SV2C: variants seen among roughly 807,000 people sequenced by gnomAD.
SV2C encodes the protein synaptic vesicle glycoprotein 2C, also known as solute carrier family 22 member B3.
A neutral mutation model predicts 79.7 loss-of-function variants in SV2C; 49 were observed. That is an observed-to-expected ratio of 0.61 (90% CI 0.49 to 0.78). The LOEUF (loss-of-function observed/expected upper bound fraction) is 0.78, where lower values mean the gene tolerates loss of function less well. Ranked by LOEUF, SV2C falls within the 30% of genes least tolerant of loss-of-function variation. The pLI, the probability that SV2C is intolerant of heterozygous loss-of-function variation, is 0.00. For synonymous variants in SV2C, 334 were observed against 333.2 expected (o/e 1.00, Z -0.03); for missense variants, 833 against 912.9 (o/e 0.91, Z 1.13).
intron 9 of SV2C, among the ~76,000 whole-genome samples, chr5:76,298,449 C>T (rs1241844523): frequency 6.6e-6 from 1 of 152,100 alleles, no homozygotes; most frequent in Non-Finnish European, 1.5e-5. Context: ...CATGAAGAGA[C>T]GATAGGATTA....
chr5:76,156,649 C>T (rs1371278417), intron 2 of SV2C, among the ~76,000 whole-genome samples: 1 of 151,888 alleles, frequency 6.6e-6, no homozygotes, highest in Admixed American at 6.6e-5. Flanking sequence ...CTAAAGGAAA[C>T]CCATGATTAA....
the SV2C span, among the ~76,000 whole-genome samples, chr5:75,948,016 T>C: frequency 1.3e-5 from 2 of 152,098 alleles, no homozygotes; most frequent in African/African-American, 4.8e-5. Flanking sequence ...TATTTTGTAG[T>C]AGCACAATCA....
At chr5:76,055,435 G>A in the SV2C span, among the ~76,000 whole-genome samples, 1 of 152,130 alleles carries the variant, frequency 6.6e-6, no homozygotes, top group Non-Finnish European at 1.5e-5. Flanking sequence ...GTAGCATGAT[G>A]CCTCTAGCTT....
At chr5:76,253,377 G>A (rs10473981) in intron 4 of SV2C, among the ~76,000 whole-genome samples, 123,956 of 152,046 alleles carry the variant, frequency 0.82, 50,793 homozygotes, top group Middle Eastern at 0.91. Context: ...CTGCAACCTC[G>A]GTCTCCCGGG....
At chr5:75,919,404 T>C in the SV2C span, among the ~76,000 whole-genome samples, 1 of 152,240 alleles carries the variant, frequency 6.6e-6, no homozygotes, top group Non-Finnish European at 1.5e-5. Flanking sequence ...ATCAAAATTG[T>C]CTATGCAGCT....
chr5:75,884,879 A>T, the SV2C span, among the ~76,000 whole-genome samples: 2 of 152,154 alleles, frequency 1.3e-5, no homozygotes, highest in African/African-American at 4.8e-5. Flanking sequence ...ACTTCATTCT[A>T]GTGTGCAAAA....
At chr5:76,210,466 G>A (rs1447594495) in intron 4 of SV2C, among the ~76,000 whole-genome samples, 2 of 152,238 alleles carry the variant, frequency 1.3e-5, no homozygotes, top group Non-Finnish European at 2.9e-5. Flanking sequence ...GGCAAAGGAT[G>A]TAGATGAACA....
the SV2C span, among the ~76,000 whole-genome samples, chr5:75,879,644 G>C: frequency 1.1e-4 from 17 of 152,314 alleles, no homozygotes; most frequent in Non-Finnish European, 2.4e-4. Context: ...TCATGGGTTG[G>C]AGCTGAGTGC....
chr5:76,058,722 A>T, the SV2C span, among the ~76,000 whole-genome samples: 1 of 152,154 alleles, frequency 6.6e-6, no homozygotes, highest in Non-Finnish European at 1.5e-5. Flanking sequence ...ACTAGAAGTT[A>T]GAATTCAAAA....
chr5:75,862,561 A>G, the SV2C span, among the ~76,000 whole-genome samples: 1 of 152,176 alleles, frequency 6.6e-6, no homozygotes. Context: ...CCTTCCACAA[A>G]CCAGGGCATT....
the SV2C span, among the ~76,000 whole-genome samples, chr5:75,893,200 T>G: frequency 2.0e-5 from 3 of 152,088 alleles, no homozygotes; most frequent in African/African-American, 7.2e-5. Context: ...TTTTGATATT[T>G]TTTTGGCCAC....
chr5:75,851,733 C>T, the SV2C span, among the ~76,000 whole-genome samples: 4 of 152,196 alleles, frequency 2.6e-5, no homozygotes, highest in African/African-American at 9.7e-5. Flanking sequence ...CTCCCCCTCC[C>T]GGGTTCACGC....
chr5:75,931,029 G>A, the SV2C span, among the ~76,000 whole-genome samples: 1 of 152,150 alleles, frequency 6.6e-6, no homozygotes, highest in Non-Finnish European at 1.5e-5. Context: ...AGCTACTAGG[G>A]AAACTGAGGC....
At chr5:75,903,367 G>GTTTTTTT in the SV2C span, among the ~76,000 whole-genome samples, 1 of 138,860 alleles carries the variant, frequency 7.2e-6, no homozygotes, top group South Asian at 2.3e-4. Flanking sequence ...ACAAAAAGGT[G>GTTTTTTT]TTTTTTTTTT....
chr5:75,976,899 A>G, the SV2C span, among the ~76,000 whole-genome samples: 3 of 152,206 alleles, frequency 2.0e-5, no homozygotes, highest in Non-Finnish European at 4.4e-5. Context: ...ATCCCCCTCA[A>G]TGGGGAAACA....
the SV2C span, among the ~76,000 whole-genome samples, chr5:75,951,215 A>G: frequency 3.9e-5 from 6 of 152,026 alleles, no homozygotes; most frequent in African/African-American, 1.4e-4. Flanking sequence ...TCTAAGATCT[A>G]TTTTAGAGGA....
chr5:76,293,743 C>T (rs536737513), intron 8 of SV2C, among the ~76,000 whole-genome samples: 5 of 152,260 alleles, frequency 3.3e-5, no homozygotes, highest in Admixed American at 6.5e-5. Context: ...ATGATAAAAA[C>T]GACTCATACT....
chr5:76,016,272 G>C, the SV2C span, among the ~76,000 whole-genome samples: 2 of 26,996 alleles, frequency 7.4e-5, no homozygotes, highest in South Asian at 9.1e-4. Flanking sequence ...AAAAAAAAAA[G>C]CTGTGCAATT....
chr5:76,340,317 T>C (rs745999670), intron 12 of SV2C, among the ~76,000 whole-genome samples: 2 of 152,242 alleles, frequency 1.3e-5, no homozygotes. Flanking sequence ...CTGCTCTTCC[T>C]ATGGAGTAGT....
Sources: gnomAD v4.1 joint callset for allele counts (sites outside exome capture counted in the v4.1 genomes callset) on GRCh38, gnomAD v4.1.1 for gene constraint, MANE v1.5 for transcripts, NCBI Gene and HGNC (gene_info 2026-07-23, HGNC 2026-07-21) for gene names.